The following OR1M1 variants were observed in gnomAD, a reference collection of about 807,000 sequenced individuals.
OR1M1 encodes the protein olfactory receptor family 1 subfamily M member 1.
For missense variants in OR1M1, 397 were observed against 401.8 expected (o/e 0.99, Z 0.10); for synonymous variants, 157 against 165.5 (o/e 0.95, Z 0.39).
Position 9,094,551 on chromosome 19 carries a change from G to GT in OR1M1, c.*371dup, listed in dbSNP as rs916256236. The GT allele has an allele frequency of 1.7e-5, 3 of 179,196 alleles. No individual in the cohort carries two copies. The highest frequency in any genetic ancestry group is 7.3e-5 in the African/African-American group (3 of 41,352). The allele number at this position is 179,196 out of a possible 1,614,324, so 11.1% of individuals were successfully genotyped here. A position where few individuals can be genotyped will look rare whatever the true frequency, so the allele number is the denominator to read the frequency against. ...CACTTTGAATTTTTTGTTTGTTTTT[G>GT]TTTTTTGAGACAGAGTCTCGTTCTG... On this transcript the variant is annotated 3_prime_UTR_variant, in exon 2 of 2. Coordinates refer to ENST00000641627, the MANE Select transcript of OR1M1 (RefSeq NM_001004456.2).
intron 1 of OR1M1, 83 bp from the exon 2 acceptor site, chr19:9,093,149 A>G: frequency 1.3e-6 from 1 of 740,780 alleles, no homozygotes; most frequent in Non-Finnish European, 2.3e-6. Flanking sequence ...ATTAGCCCAA[A>G]TGAGAACTGG....
At position 9,094,148 on chromosome 19, in the gene OR1M1, A is replaced by G; in HGVS notation, c.904A>G (p.Arg302Gly). ...GAACAGAGACCTGAAAGGGGCTCTC[A>G]GGAAGCTGGTCAACAGAAAGATCAC... Reference protein sequence around the residue: ...LRNRDLKGALRKLVNRKITSS... With the variant: ...LRNRDLKGALGKLVNRKITSS... The change falls in exon 2 of 2, where the codon AGG becomes GGG. Residue 302 changes from arginine to glycine, a missense_variant. By Grantham distance (125) the Arg-to-Gly change is moderately radical. Transcript: ENST00000641627. 1 of 1,612,014 alleles carries G rather than the reference A, an allele frequency of 6.2e-7. No individual in the cohort carries two copies. The highest frequency in any genetic ancestry group is 1.3e-5 in the African/African-American group (1 of 75,010).
At chr19:9,093,079 TACACACACAC>T (rs560891702) in intron 1 of OR1M1, 143 bp from the exon 2 acceptor site, 46 of 406,672 alleles carry the variant, frequency 1.1e-4, no homozygotes, top group African/African-American at 1.8e-4. Flanking sequence ...ATTCTATATA[TACACACACAC>T]ACACACACAC....
rs1157290293 is a variant in OR1M1, at chr19:9,094,949, A to G, written c.*763A>G. On this transcript the variant is annotated 3_prime_UTR_variant, in exon 2 of 2. Coordinates refer to ENST00000641627, the MANE Select transcript of OR1M1 (RefSeq NM_001004456.2). Reference sequence around the variant, plus strand: ...CTCCAGACTAGCTGGAACTACAGGCACCCATCACCATACCCGGCTAATTTT... The same window carrying G: ...CTCCAGACTAGCTGGAACTACAGGCGCCCATCACCATACCCGGCTAATTTT... 1 of 152,262 alleles carries G rather than the reference A, an allele frequency of 6.6e-6. No homozygotes were observed. The highest frequency in any genetic ancestry group is 2.4e-5 in the African/African-American group (1 of 41,416). 9.4% of individuals were successfully genotyped at this position (152,262 alleles called of 1,614,324 possible).
chr19:9,093,944 A>G lies in OR1M1; in HGVS notation c.700A>G (p.Arg234Gly), dbSNP rs751003023. The G allele has an allele frequency of 6.2e-7, 1 of 1,614,162 alleles. No individual in the cohort carries two copies. The highest frequency in any genetic ancestry group is 8.5e-7 in the Non-Finnish European group (1 of 1,180,034). ...AIMKVPSAGG[R>G]KKAFSTCSSH... ...CATGAAGGTCCCCTCTGCAGGCGGC[A>G]GGAAGAAAGCCTTCTCCACCTGCAG... is the stretch of plus-strand genomic sequence containing the variant. The change falls in exon 2 of 2, where the codon AGG (arginine) becomes GGG (glycine). Residue 234 changes from arginine to glycine, a missense_variant. Coordinates refer to ENST00000641627, the MANE Select transcript of OR1M1 (RefSeq NM_001004456.2).
chr19:9,090,308 C>A (rs946434776), intron 1 of OR1M1, among the ~76,000 whole-genome samples: 4 of 152,020 alleles, frequency 2.6e-5, no homozygotes, highest in Non-Finnish European at 5.9e-5. Context: ...TTGCAATTAC[C>A]AATAATTTTT....
At chr19:9,088,905 C>T (rs1335812211) in intron 1 of OR1M1, among the ~76,000 whole-genome samples, 3 of 151,540 alleles carry the variant, frequency 2.0e-5, no homozygotes, top group African/African-American at 4.9e-5. Context: ...AAAAAAAATA[C>T]TCTGACTCCT....
chr19:9,090,605 T>C (rs2145903431), intron 1 of OR1M1, among the ~76,000 whole-genome samples: 1 of 152,072 alleles, frequency 6.6e-6, no homozygotes, highest in African/African-American at 2.4e-5. Context: ...CGGCTAATTT[T>C]GTATTTTTAG....
Position 9,092,262 on chromosome 19 carries a change from A to G in OR1M1, c.-13-970A>G, listed in dbSNP as rs78370865. On this transcript the variant is annotated intron_variant, in intron 1 of 1. Coordinates refer to ENST00000641627, the MANE Select transcript of OR1M1 (RefSeq NM_001004456.2). ...ATCAAAAAAGAAGAAGAGTTGCTATAAATACTTCATCCATGGTTTAAAGTG... is the reference window on the plus strand; with the variant it reads ...ATCAAAAAAGAAGAAGAGTTGCTATGAATACTTCATCCATGGTTTAAAGTG... Among the ~76,000 whole-genome samples, 713 of 151,892 alleles carry G rather than the reference A, an allele frequency of 4.7e-3. 6 individuals are homozygous for G. Among genetic ancestry groups the G allele is most frequent in the African/African-American group, 0.017 (692 of 41,454 alleles).
chr19:9,093,763 G>A lies in OR1M1; in HGVS notation c.519G>A (p.Glu173=), dbSNP rs567733875. 3.1e-6 allele frequency: 5 copies of A among 1,613,808 alleles called. No individual in the cohort carries two copies. The African/African-American group carries it at 6.7e-5, about 22-fold the overall frequency. The change falls in exon 2 of 2, where the codon GAG becomes GAA. Residue 173 remains glutamate (E), a synonymous_variant. Coordinates refer to ENST00000641627, the MANE Select transcript of OR1M1 (RefSeq NM_001004456.2). The part of the protein sequence containing the change: ...MARLVFCGSH[E]VPHYFCDLTP... ...GTCTCGTTTTCTGCGGCAGCCATGAGGTGCCTCACTACTTCTGCGACCTCA... is the reference window on the plus strand; with the variant it reads ...GTCTCGTTTTCTGCGGCAGCCATGAAGTGCCTCACTACTTCTGCGACCTCA...
Position 9,092,055 on chromosome 19 carries a change from T to C in OR1M1, c.-13-1177T>C, listed in dbSNP as rs28572391. ...TCCCGAGTACTTGGAACTATAGGTG[T>C]CCACCATCATGCCTGGCTTTTTTTT... On this transcript the variant is annotated intron_variant, in intron 1 of 1. Coordinates refer to ENST00000641627, the MANE Select transcript of OR1M1 (RefSeq NM_001004456.2). Among the ~76,000 whole-genome samples, 297 of 137,440 alleles carry C rather than the reference T, an allele frequency of 2.2e-3. 1 individual carries two copies. Among genetic ancestry groups the C allele is most frequent in the African/African-American group, 7.7e-3 (287 of 37,310 alleles). The allele number at this position is 137,440 out of a possible 152,430, so 90.2% of individuals were successfully genotyped here.
chr19:9,090,932 C>A (rs1369579028), intron 1 of OR1M1, among the ~76,000 whole-genome samples: 1 of 151,542 alleles, frequency 6.6e-6, no homozygotes, highest in East Asian at 2.0e-4. Flanking sequence ...TTTGAGAGGC[C>A]AAGGCGGGCA....
At chr19:9,091,691 C>T (rs545558564) in intron 1 of OR1M1, among the ~76,000 whole-genome samples, 2 of 151,516 alleles carry the variant, frequency 1.3e-5, no homozygotes, top group Non-Finnish European at 1.5e-5. Flanking sequence ...GAAGGAAGTT[C>T]GACTTGTAGA....
rs1316702528 is a variant in OR1M1 at position 9,094,002 on chromosome 19, G to A, written c.758G>A (p.Gly253Glu). The A allele has an allele frequency of 6.2e-6, 10 of 1,613,944 alleles. No homozygotes were observed. Among genetic ancestry groups the A allele is most frequent in the African/African-American group, 2.7e-5 (2 of 74,878 alleles). The change falls in exon 2 of 2, where the codon GGG becomes GAG. Residue 253 changes from glycine to glutamate, a missense_variant. Coordinates refer to ENST00000641627, the MANE Select transcript of OR1M1 (RefSeq NM_001004456.2). ...CTGTCTGTGGTTGCTCTCTTCTATGGGACCACCATTGGCGTCTATCTGTGT... is the reference window on the plus strand; with the variant it reads ...CTGTCTGTGGTTGCTCTCTTCTATGAGACCACCATTGGCGTCTATCTGTGT... ...SHLSVVALFY[G>E]TTIGVYLCPS... is the part of the protein sequence containing the mutation.
In OR1M1 at chr19:9,093,772, C is replaced by G. The variant is rs2050310101; in HGVS notation, c.528C>G (p.His176Gln). 1.2e-6 allele frequency: 2 copies of G among 1,613,888 alleles called. No individual in the cohort carries two copies. Among genetic ancestry groups the G allele is most frequent in the East Asian group, 2.2e-5 (1 of 44,868 alleles). Residue 176 changes from histidine to glutamine, a missense_variant, in exon 2 of 2, where the codon CAC (histidine) becomes CAG (glutamine). By Grantham distance (24) the His-to-Gln change is conservative. Coordinates refer to ENST00000641627, the MANE Select transcript of OR1M1 (RefSeq NM_001004456.2). ...TCTGCGGCAGCCATGAGGTGCCTCA[C>G]TACTTCTGCGACCTCACTCCCATCC... ...LVFCGSHEVP[H>Q]YFCDLTPILR... is the part of the protein sequence containing the mutation.
At chr19:9,089,377 T>A (rs2050280888) in intron 1 of OR1M1, among the ~76,000 whole-genome samples, 1 of 151,994 alleles carries the variant, frequency 6.6e-6, no homozygotes, top group Admixed American at 6.6e-5. Flanking sequence ...AAGATCTCCT[T>A]CATTTTTATG....
chr19:9,091,035 T>C (rs371728399), intron 1 of OR1M1, among the ~76,000 whole-genome samples: 66 of 151,790 alleles, frequency 4.3e-4, no homozygotes, highest in Middle Eastern at 3.4e-3. Context: ...GGCGTGGTGG[T>C]GGGCGCCTGT....
intron 1 of OR1M1, among the ~76,000 whole-genome samples, chr19:9,092,675 G>A (rs2145904617): frequency 6.6e-6 from 1 of 152,120 alleles, no homozygotes; most frequent in East Asian, 1.9e-4. Context: ...GCCGAGGTGG[G>A]CGGATCACGA....
Position 9,093,604 on chromosome 19 carries a change from T to C in OR1M1, c.360T>C (p.Tyr120=), listed in dbSNP as rs376000674. The change falls in exon 2 of 2, where the codon TAT becomes TAC. Residue 120 remains tyrosine (Y), a synonymous_variant. Coordinates refer to ENST00000641627, the MANE Select transcript of OR1M1 (RefSeq NM_001004456.2). ...VDSVIIAMMA[Y]DRFVAICHPL... ...GCGTCATAATCGCCATGATGGCTTA[T>C]GACCGGTTCGTGGCCATCTGCCACC... 108 of 1,614,100 alleles carry C rather than the reference T, an allele frequency of 6.7e-5. No individual in the cohort carries two copies. The highest frequency in any genetic ancestry group is 2.0e-4 in the Admixed American group (12 of 59,998).
Sources: gnomAD v4.1 joint callset for allele counts (sites outside exome capture counted in the v4.1 genomes callset) on GRCh38, gnomAD v4.1.1 for gene constraint, MANE v1.5 for transcripts, NCBI Gene and HGNC (gene_info 2026-07-23, HGNC 2026-07-21) for gene names.